The following PCDHA7 variants were observed in gnomAD, a reference collection of about 807,000 sequenced individuals.
The protein encoded by PCDHA7 is protocadherin alpha 7, also known as protocadherin alpha-7.
In PCDHA7, 37 loss-of-function variants were observed where a neutral mutation model predicts 57.2. The observed-to-expected ratio is 0.65, with a 90% CI of 0.50 to 0.85. The LOEUF is 0.85. PCDHA7 is among the 40% of genes least tolerant of loss of function. PCDHA7 has a pLI of 0.00. For synonymous variants in PCDHA7, 553 were observed against 558.8 expected (o/e 0.99, Z 0.15); for missense variants, 1,188 against 1,241.8 (o/e 0.96, Z 0.65).
At chr5:140,872,840 A>G (rs1297929350) in intron 1 of PCDHA7, among the ~76,000 whole-genome samples, 4 of 152,198 alleles carry the variant, frequency 2.6e-5, no homozygotes, top group African/African-American at 9.6e-5. Context: ...AAAAAATTAA[A>G]TATATTAATG....
intron 1 of PCDHA7, among the ~76,000 whole-genome samples, chr5:140,888,313 G>C (rs1434881975): frequency 6.6e-6 from 1 of 152,154 alleles, no homozygotes; most frequent in Non-Finnish European, 1.5e-5. Context: ...ATTTGGCAAT[G>C]CCTGGATACA....
chr5:140,968,526 C>G, intron 1 of PCDHA7: 3 of 1,614,200 alleles, frequency 1.9e-6, no homozygotes, highest in Middle Eastern at 1.6e-4. Context: ...TCAACCAACT[C>G]GTCAGCAGCC....
intron 1 of PCDHA7, among the ~76,000 whole-genome samples, chr5:140,901,744 A>G (rs781984509): frequency 1.3e-5 from 2 of 152,144 alleles, no homozygotes; most frequent in Non-Finnish European, 2.9e-5. Context: ...AAGAATGTCC[A>G]TGGTATTTTG....
At chr5:140,951,047 A>T (rs2094543631) in intron 1 of PCDHA7, among the ~76,000 whole-genome samples, 1 of 151,878 alleles carries the variant, frequency 6.6e-6, no homozygotes, top group Non-Finnish European at 1.5e-5. Flanking sequence ...TTATATTTTT[A>T]TTGCTAAAAT....
intron 1 of PCDHA7, among the ~76,000 whole-genome samples, chr5:140,888,841 C>T (rs2062001270): frequency 1.3e-5 from 2 of 151,998 alleles, no homozygotes; most frequent in Admixed American, 1.3e-4. Flanking sequence ...CCACTGCAGC[C>T]TGGTGACAGA....
chr5:140,946,457 C>T (rs1480427132), intron 1 of PCDHA7, among the ~76,000 whole-genome samples: 2 of 151,612 alleles, frequency 1.3e-5, no homozygotes, highest in Non-Finnish European at 3.0e-5. Flanking sequence ...AACTATCCAG[C>T]AATCCCACTA....
chr5:140,849,451 C>T lies in PCDHA7; in HGVS notation c.2355+12713C>T, dbSNP rs2150437889. 5.7e-6 allele frequency: 9 copies of T among 1,586,410 alleles called. 1 individual carries two copies. Among genetic ancestry groups the T allele is most frequent in the Non-Finnish European group, 7.8e-6 (9 of 1,160,978 alleles). ...GAAGAAAGTAGAGCACACAAGATCCCAGTCGAGGCTGTCGATAAAGGCTTC... is the reference window on the plus strand; with the variant it reads ...GAAGAAAGTAGAGCACACAAGATCCTAGTCGAGGCTGTCGATAAAGGCTTC... On this transcript the variant is annotated intron_variant, in intron 1 of 3. Coordinates refer to ENST00000525929, the MANE Select transcript of PCDHA7 (RefSeq NM_018910.3).
chr5:140,866,929 A>C (rs1189639503), intron 1 of PCDHA7: 1 of 152,160 alleles, frequency 6.6e-6, no homozygotes, highest in African/African-American at 2.4e-5. Context: ...CAAAGGGCGC[A>C]TAATCTCTTC....
chr5:140,882,666 T>G, intron 1 of PCDHA7: 1 of 1,614,160 alleles, frequency 6.2e-7, no homozygotes, highest in Non-Finnish European at 8.5e-7. Flanking sequence ...CCGCCCATAT[T>G]CCCTGAAAGC....
At chr5:140,897,471 G>A (rs1260992963) in intron 1 of PCDHA7, among the ~76,000 whole-genome samples, 3 of 151,810 alleles carry the variant, frequency 2.0e-5, no homozygotes, top group Non-Finnish European at 4.4e-5. Flanking sequence ...AGTTTACTGA[G>A]AATGATGATT....
At chr5:140,899,753 T>G (rs2067532965) in intron 1 of PCDHA7, among the ~76,000 whole-genome samples, 1 of 152,244 alleles carries the variant, frequency 6.6e-6, no homozygotes, top group African/African-American at 2.4e-5. Flanking sequence ...TCAGAAGGAA[T>G]GGTACCAGTT....
chr5:140,956,960 TAATC>T (rs2307694), intron 1 of PCDHA7, among the ~76,000 whole-genome samples: 47,965 of 151,898 alleles, frequency 0.32, 7,886 homozygotes, highest in East Asian at 0.53. Flanking sequence ...ACACTGTAAT[TAATC>T]AGTCAATTTA....
At chr5:140,991,422 T>G (rs140209692) in intron 3 of PCDHA7, among the ~76,000 whole-genome samples, 7 of 152,330 alleles carry the variant, frequency 4.6e-5, no homozygotes, top group Admixed American at 1.3e-4. Context: ...TATAACAAAT[T>G]AACCATAAAC....
intron 1 of PCDHA7, chr5:140,871,246 C>A: frequency 6.2e-7 from 1 of 1,613,982 alleles, no homozygotes; most frequent in Non-Finnish European, 8.5e-7. Flanking sequence ...ACTCACGCTG[C>A]TGCTGTATAC....
chr5:140,890,608 G>A (rs1451973329), intron 1 of PCDHA7, among the ~76,000 whole-genome samples: 1 of 152,026 alleles, frequency 6.6e-6, no homozygotes, highest in African/African-American at 2.4e-5. Flanking sequence ...AATAGCTAGT[G>A]CTTACCCTAG....
intron 1 of PCDHA7, among the ~76,000 whole-genome samples, chr5:140,841,023 C>T (rs1331109795): frequency 6.6e-6 from 1 of 152,000 alleles, no homozygotes; most frequent in Admixed American, 6.6e-5. Flanking sequence ...ATGAATGCCT[C>T]TGCAATTGAT....
intron 1 of PCDHA7, among the ~76,000 whole-genome samples, chr5:140,943,307 T>C (rs1554215574): frequency 6.7e-6 from 1 of 149,570 alleles, no homozygotes; most frequent in Non-Finnish European, 1.5e-5. Flanking sequence ...TGGGAAGTCA[T>C]TATTAGCAAT....
intron 1 of PCDHA7, among the ~76,000 whole-genome samples, chr5:140,972,283 A>C (rs2096528536): frequency 2.7e-5 from 4 of 149,876 alleles, no homozygotes; most frequent in Admixed American, 2.7e-4. Flanking sequence ...TGGACCATAG[A>C]TGTGCGCCAC....
At chr5:140,882,024 G>C in intron 1 of PCDHA7, 1 of 580,388 alleles carries the variant, frequency 1.7e-6, no homozygotes, top group East Asian at 3.1e-5. Flanking sequence ...CTACATCAAT[G>C]GAAAATATGA....
Sources: gnomAD v4.1 joint callset for allele counts (sites outside exome capture counted in the v4.1 genomes callset) on GRCh38, gnomAD v4.1.1 for gene constraint, MANE v1.5 for transcripts, NCBI Gene and HGNC (gene_info 2026-07-23, HGNC 2026-07-21) for gene names.